The following ULK4 variants were observed in gnomAD, a reference collection of about 807,000 sequenced individuals.
The protein encoded by ULK4 is unc-51 like kinase 4.
Under a neutral mutation model 160.6 loss-of-function variants are expected in ULK4, and 133 were observed. The observed-to-expected ratio is 0.83, with a 90% confidence interval of 0.72 to 0.96. The LOEUF is 0.96. Among genes scored for constraint, ULK4 ranks in the 40% least tolerant of loss-of-function variants. ULK4 has a pLI of 0.00. For missense variants in ULK4, 1,580 were observed against 1,499.5 expected, an observed-to-expected ratio of 1.05 and a Z score of -0.89; for synonymous variants, 534 against 539.8, an observed-to-expected ratio of 0.99 and a Z score of 0.15.
chr3:41,458,157 C>G (rs1431019226), intron 33 of ULK4, among the ~76,000 whole-genome samples: 1 of 152,058 alleles, frequency 6.6e-6, no homozygotes, highest in Admixed American at 6.5e-5. Context: ...TCATATTGAG[C>G]AAGCTGCTAG....
rs573074393 is a variant in ULK4, at chr3:41,870,813, C to T, written c.1656+13061G>A. 3.3e-5 allele frequency among the ~76,000 whole-genome samples: 5 copies of T among 152,152 alleles called. No individual in the cohort carries two copies. The South Asian group carries it at 6.2e-4, about 19-fold the overall frequency. ...CTCCCTCTTCTTCTAATATCCCTAACCCCTGGCAACCACTGTGATATAGTT... is the reference window on the plus strand; with the variant it reads ...CTCCCTCTTCTTCTAATATCCCTAATCCCTGGCAACCACTGTGATATAGTT... On this transcript the variant is annotated intron_variant, in intron 17 of 36. Transcript: ENST00000301831.
chr3:41,873,657 G>A (rs554393367), intron 17 of ULK4, among the ~76,000 whole-genome samples: 307 of 152,198 alleles, frequency 2.0e-3, no homozygotes, highest in African/African-American at 7.0e-3. Flanking sequence ...GGGTTCAAGC[G>A]ATTCTCCTGC....
intron 32 of ULK4, among the ~76,000 whole-genome samples, chr3:41,538,492 A>G (rs565696008): frequency 1.4e-3 from 207 of 152,230 alleles, no homozygotes; most frequent in Non-Finnish European, 2.3e-3. Flanking sequence ...TGCTTCTTAG[A>G]AGCACTTTTA....
intron 17 of ULK4, among the ~76,000 whole-genome samples, chr3:41,837,174 G>T (rs571258474): frequency 1.1e-4 from 17 of 152,318 alleles, no homozygotes; most frequent in African/African-American, 3.6e-4. Flanking sequence ...TGGGACAGCT[G>T]CACAGTAGTC....
chr3:41,808,496 C>A (rs568829437), intron 19 of ULK4, among the ~76,000 whole-genome samples: 1 of 152,196 alleles, frequency 6.6e-6, no homozygotes, highest in African/African-American at 2.4e-5. Context: ...GGATACCATA[C>A]AAGCAAATAA....
intron 35 of ULK4, among the ~76,000 whole-genome samples, chr3:41,263,992 G>T (rs1341901110): frequency 1.3e-5 from 2 of 152,114 alleles, no homozygotes; most frequent in African/African-American, 4.8e-5. Context: ...GATGCTGATA[G>T]GTGTCATGAA....
At chr3:41,641,820 T>G (rs1423334072) in intron 30 of ULK4, among the ~76,000 whole-genome samples, 1 of 130,566 alleles carries the variant, frequency 7.7e-6, no homozygotes, top group Non-Finnish European at 1.5e-5. Flanking sequence ...TAATAATTGT[T>G]TAAAATGCAA....
chr3:41,438,178 G>C (rs528728042), intron 34 of ULK4, among the ~76,000 whole-genome samples: 2 of 148,954 alleles, frequency 1.3e-5, no homozygotes, highest in Non-Finnish European at 3.0e-5. Flanking sequence ...AATAATTATC[G>C]AGAAATACCC....
intron 18 of ULK4, among the ~76,000 whole-genome samples, chr3:41,833,557 A>C (rs1034212424): frequency 6.6e-6 from 1 of 152,006 alleles, no homozygotes. Context: ...CAGCCTCCCA[A>C]AGTGCTAGGA....
Position 41,485,561 on chromosome 3 carries a change from A to G in ULK4, c.3227-22308T>C, listed in dbSNP as rs181094927. Among the ~76,000 whole-genome samples, 175 of 152,334 alleles carry G rather than the reference A, an allele frequency of 1.1e-3. 1 individual carries two copies. The highest frequency in any genetic ancestry group is 3.9e-3 in the African/African-American group (162 of 41,586). On this transcript the variant is annotated intron_variant, in intron 32 of 36. Transcript: ENST00000301831. ...ATTTCTATACAGCAGGGCATCTATT[A>G]TCCCATGACAATCTTTTACTTCAGT...
chr3:41,306,634 G>T lies in ULK4; in HGVS notation c.3679-57060C>A, dbSNP rs1460064665. Among the ~76,000 whole-genome samples the T allele has an allele frequency of 9.2e-5, 14 of 152,004 alleles. No individual in the cohort carries two copies. In the South Asian group the frequency reaches 2.9e-3, roughly 32 times the overall value. On this transcript the variant is annotated intron_variant, in intron 35 of 36. Transcript: ENST00000301831. ...AGCCCCTCTGCCCGGCCACCACCCC[G>T]TCTGGGAGGTGTGCCCAACAGCTCA...
At chr3:41,725,291 T>C (rs2037612146) in intron 22 of ULK4, among the ~76,000 whole-genome samples, 1 of 152,248 alleles carries the variant, frequency 6.6e-6, no homozygotes, top group Non-Finnish European at 1.5e-5. Context: ...TTTGGTACAG[T>C]ACAGCTTAGG....
intron 2 of ULK4, among the ~76,000 whole-genome samples, chr3:41,952,184 C>CA (rs1202669324): frequency 5.4e-5 from 8 of 149,532 alleles, no homozygotes; most frequent in Non-Finnish European, 7.4e-5. Context: ...ACACAGATAA[C>CA]AAAAAAAAAG....
At chr3:41,781,100 G>A (rs1274507995) in intron 21 of ULK4, among the ~76,000 whole-genome samples, 1 of 152,028 alleles carries the variant, frequency 6.6e-6, no homozygotes, top group African/African-American at 2.4e-5. Context: ...TACATACAGA[G>A]AGAGAAAGCA....
At chr3:41,704,265 A>T (rs2036787264) in intron 27 of ULK4, among the ~76,000 whole-genome samples, 1 of 152,182 alleles carries the variant, frequency 6.6e-6, no homozygotes, top group Non-Finnish European at 1.5e-5. Context: ...GAGCTGGGGT[A>T]CAAGAAACAC....
At chr3:41,413,372 G>A (rs1329492941) in intron 34 of ULK4, among the ~76,000 whole-genome samples, 1 of 152,090 alleles carries the variant, frequency 6.6e-6, no homozygotes, top group Non-Finnish European at 1.5e-5. Flanking sequence ...GAAAACATGG[G>A]AGAAAATATT....
chr3:41,696,022 C>T (rs543714736), intron 27 of ULK4, among the ~76,000 whole-genome samples: 2 of 152,288 alleles, frequency 1.3e-5, no homozygotes, highest in South Asian at 4.1e-4. Context: ...TCTGGGAAGA[C>T]GCCCGCTGCC....
intron 35 of ULK4, among the ~76,000 whole-genome samples, chr3:41,275,765 T>A (rs2125689857): frequency 1.3e-5 from 2 of 152,300 alleles, no homozygotes; most frequent in Middle Eastern, 3.4e-3. Context: ...TTTCTAACAT[T>A]TCCAGAGTCC....
Position 41,693,238 on chromosome 3 carries a change from T to C in ULK4, c.2782-11434A>G, listed in dbSNP as rs531532834. Among the ~76,000 whole-genome samples the C allele has an allele frequency of 3.9e-5, 6 of 152,188 alleles. No homozygotes were observed. In the South Asian group the frequency reaches 6.2e-4, roughly 16 times the overall value. ...ATGCATTGCTGGTGAGAAAGAAAAA[T>C]GGTAAAAGCCTATATAAGGGATTCT... is the stretch of plus-strand genomic sequence containing the variant. On this transcript the variant is annotated intron_variant, in intron 27 of 36. Coordinates refer to ENST00000301831, the MANE Select transcript of ULK4 (RefSeq NM_017886.4).
Sources: gnomAD v4.1 joint callset for allele counts (sites outside exome capture counted in the v4.1 genomes callset) on GRCh38, gnomAD v4.1.1 for gene constraint, MANE v1.5 for transcripts, NCBI Gene and HGNC (gene_info 2026-07-23, HGNC 2026-07-21) for gene names.